The following SGCZ variants were observed in gnomAD, a reference collection of about 807,000 sequenced individuals.
SGCZ encodes the protein sarcoglycan zeta, also known as zeta-sarcoglycan.
SGCZ carries 40 observed loss-of-function variants against 41.3 expected under a neutral mutation model. The ratio of observed to expected loss-of-function variants is 0.97; its 90% confidence interval spans 0.75 to 1.26. SGCZ has a LOEUF of 1.26. Ranked by LOEUF, SGCZ falls within the 50% of genes most tolerant of loss-of-function variation. The pLI is 0.00. For synonymous variants in SGCZ, 206 were observed against 137.5 expected (o/e 1.50, Z -3.49); for missense variants, 552 against 369.8 (o/e 1.49, Z -4.04).
chr8:15,155,238 T>A (rs945526468), intron 1 of SGCZ, among the ~76,000 whole-genome samples: 9 of 152,148 alleles, frequency 5.9e-5, no homozygotes, highest in African/African-American at 1.9e-4. Context: ...GAGGTTGCAG[T>A]GAGCTGAGAT....
At position 14,672,732 on chromosome 8, in the gene SGCZ, G is replaced by A. The variant is rs73525545; in HGVS notation, c.40-117806C>T. Among the ~76,000 whole-genome samples the A allele has an allele frequency of 5.5e-3, 833 of 152,174 alleles. 8 individuals are homozygous for A. The highest frequency in any genetic ancestry group is 0.019 in the African/African-American group (796 of 41,528). On this transcript the variant is annotated intron_variant, in intron 1 of 7. Transcript: ENST00000382080. ...ATTCTAAATTTTTTAGTCACCTCAG[G>A]CCTCCAGAACTTCTTTAACACTACC...
At chr8:14,107,156 A>T (rs55853834) in intron 6 of SGCZ, among the ~76,000 whole-genome samples, 2 of 151,594 alleles carry the variant, frequency 1.3e-5, no homozygotes, top group Admixed American at 1.3e-4. Flanking sequence ...GCGGAGCTTG[A>T]GGTGAGTCGA....
At chr8:14,169,556 C>T (rs748006314) in intron 4 of SGCZ, among the ~76,000 whole-genome samples, 46 of 152,222 alleles carry the variant, frequency 3.0e-4, no homozygotes, top group South Asian at 2.1e-3. Context: ...CCAGGACATC[C>T]CTCTGCTGCT....
intron 2 of SGCZ, among the ~76,000 whole-genome samples, chr8:14,326,823 G>C (rs1444814804): frequency 2.6e-5 from 4 of 152,034 alleles, no homozygotes; most frequent in African/African-American, 4.8e-5. Flanking sequence ...CTCAGATTTA[G>C]ACATTCAATT....
chr8:14,114,684 AT>A (rs1802471270), intron 5 of SGCZ, among the ~76,000 whole-genome samples: 1 of 151,932 alleles, frequency 6.6e-6, no homozygotes, highest in South Asian at 2.1e-4. Flanking sequence ...AAATAAAGCT[AT>A]TTTCTTCAAA....
chr8:14,269,272 T>A (rs1799979992), intron 3 of SGCZ, among the ~76,000 whole-genome samples: 1 of 152,212 alleles, frequency 6.6e-6, no homozygotes, highest in African/African-American at 2.4e-5. Context: ...ATATGTTAAT[T>A]CATTAAATAA....
intron 1 of SGCZ, among the ~76,000 whole-genome samples, chr8:14,618,389 A>G (rs1022765645): frequency 1.4e-4 from 21 of 152,280 alleles, no homozygotes; most frequent in Admixed American, 1.2e-3. Flanking sequence ...AAAGGAGTCC[A>G]TGAAGATATT....
chr8:14,576,161 A>G (rs1408407239), intron 1 of SGCZ, among the ~76,000 whole-genome samples: 1 of 152,154 alleles, frequency 6.6e-6, no homozygotes, highest in Non-Finnish European at 1.5e-5. Flanking sequence ...TGCTTTAGGT[A>G]CCTGCCTTAT....
chr8:14,428,186 A>C (rs1799843321), intron 2 of SGCZ, among the ~76,000 whole-genome samples: 1 of 151,830 alleles, frequency 6.6e-6, no homozygotes, highest in African/African-American at 2.4e-5. Flanking sequence ...ATATATATTT[A>C]TATGCACATA....
At chr8:15,032,329 C>T (rs1427795268) in intron 1 of SGCZ, among the ~76,000 whole-genome samples, 1 of 152,126 alleles carries the variant, frequency 6.6e-6, no homozygotes, top group Admixed American at 6.5e-5. Flanking sequence ...AAGAGGTTAA[C>T]AAAGGACAGT....
chr8:14,805,886 G>C (rs1801505670), intron 1 of SGCZ, among the ~76,000 whole-genome samples: 1 of 150,432 alleles, frequency 6.6e-6, no homozygotes, highest in Admixed American at 6.6e-5. Context: ...CTATCTCTCA[G>C]ACCACAGTGC....
chr8:14,688,341 G>A (rs200311459), intron 1 of SGCZ, among the ~76,000 whole-genome samples: 2 of 152,104 alleles, frequency 1.3e-5, no homozygotes, highest in African/African-American at 4.8e-5. Context: ...TAAAGTTTAT[G>A]TCTTTAATCC....
chr8:15,235,020 C>G (rs972431288), intron 1 of SGCZ, among the ~76,000 whole-genome samples: 1 of 152,126 alleles, frequency 6.6e-6, no homozygotes, highest in Non-Finnish European at 1.5e-5. Context: ...TTAATGTAAG[C>G]ATTATTAGAT....
chr8:14,427,946 G>C (rs577893992), intron 2 of SGCZ, among the ~76,000 whole-genome samples: 1 of 152,002 alleles, frequency 6.6e-6, no homozygotes. Flanking sequence ...GGTATTATAA[G>C]TAATCTAGAA....
intron 2 of SGCZ, among the ~76,000 whole-genome samples, chr8:14,507,085 G>C (rs1802328073): frequency 1.4e-5 from 2 of 143,198 alleles, no homozygotes; most frequent in Non-Finnish European, 3.0e-5. Flanking sequence ...TGTCAAATGG[G>C]TAACTCAAAA....
intron 1 of SGCZ, among the ~76,000 whole-genome samples, chr8:14,941,336 C>A (rs1413478232): frequency 2.0e-5 from 3 of 152,046 alleles, no homozygotes; most frequent in South Asian, 2.1e-4. Flanking sequence ...GTGGCAAAAA[C>A]CAAAATGCAG....
rs112371270 is a variant in SGCZ, at chr8:14,327,102, G to A, written c.235-2898C>T. The stretch of plus-strand genomic sequence containing the variant: ...CCAAAATAGTGCATAGTCAAAGAAT[G>A]GCAAATGGTGATAAACTAATGATGA... On this transcript the variant is annotated intron_variant, in intron 2 of 7. Transcript: ENST00000382080. Among the ~76,000 whole-genome samples the A allele has an allele frequency of 7.2e-5, 11 of 152,278 alleles. 2 individuals are homozygous for A. The highest frequency in any genetic ancestry group is 2.6e-4 in the African/African-American group (11 of 41,560).
At chr8:14,676,072 G>T (rs1413007180) in intron 1 of SGCZ, among the ~76,000 whole-genome samples, 1 of 152,154 alleles carries the variant, frequency 6.6e-6, no homozygotes, top group Non-Finnish European at 1.5e-5. Flanking sequence ...GAATGAAGTG[G>T]GAGGAATAAT....
chr8:14,880,813 G>A (rs1585344723), intron 1 of SGCZ, among the ~76,000 whole-genome samples: 2 of 152,206 alleles, frequency 1.3e-5, no homozygotes, highest in African/African-American at 4.8e-5. Flanking sequence ...TGGGGTCAGG[G>A]GATGGGGGTG....
Sources: gnomAD v4.1 joint callset for allele counts (sites outside exome capture counted in the v4.1 genomes callset) on GRCh38, gnomAD v4.1.1 for gene constraint, MANE v1.5 for transcripts, NCBI Gene and HGNC (gene_info 2026-07-23, HGNC 2026-07-21) for gene names.